The following SERINC1 variants were observed in gnomAD, a reference collection of about 807,000 sequenced individuals.
SERINC1 encodes tumor differentially expressed protein 2.
In SERINC1, 38 loss-of-function variants were observed where a neutral mutation model predicts 52.9. That is an observed-to-expected ratio of 0.72 (90% CI 0.55 to 0.94). SERINC1 has a LOEUF of 0.94. Ranked by LOEUF, SERINC1 falls within the 40% of genes least tolerant of loss-of-function variation. SERINC1 has a pLI of 0.00. For missense variants in SERINC1, 471 were observed against 533.9 expected, an observed-to-expected ratio of 0.88 and a Z score of 1.16; for synonymous variants, 198 against 183.1, an observed-to-expected ratio of 1.08 and a Z score of -0.66.
chr6:122,449,984 A>C (rs1774876613), intron 7 of SERINC1, among the ~76,000 whole-genome samples: 1 of 152,244 alleles, frequency 6.6e-6, no homozygotes, highest in Non-Finnish European at 1.5e-5. Flanking sequence ...ATTGCACTCC[A>C]GCCTGTGCAA....
At chr6:122,468,347 TC>T (rs1775221193) in intron 1 of SERINC1, among the ~76,000 whole-genome samples, 1 of 152,220 alleles carries the variant, frequency 6.6e-6, no homozygotes, top group African/African-American at 2.4e-5. Context: ...ATCCTTGTCC[TC>T]TACCAACTAA....
chr6:122,459,599 A>G (rs1339420698), intron 1 of SERINC1, among the ~76,000 whole-genome samples: 2 of 152,222 alleles, frequency 1.3e-5, no homozygotes, highest in Non-Finnish European at 2.9e-5. Context: ...TTAAACATAA[A>G]CATCTCCCCT....
intron 1 of SERINC1, among the ~76,000 whole-genome samples, chr6:122,468,674 C>A (rs1368277190): frequency 1.3e-5 from 2 of 152,106 alleles, no homozygotes; most frequent in African/African-American, 4.8e-5. Flanking sequence ...TGCACCCATG[C>A]ATTGAGAGAG....
intron 1 of SERINC1, among the ~76,000 whole-genome samples, chr6:122,468,478 C>A (rs190720992): frequency 8.5e-5 from 13 of 152,296 alleles, no homozygotes; most frequent in East Asian, 5.8e-4. Flanking sequence ...TATGGAAACA[C>A]CTCCTTAGAA....
intron 9 of SERINC1, among the ~76,000 whole-genome samples, chr6:122,445,882 T>TAAAAAAAAAAAAAAAAAA (rs1320808490): frequency 7.1e-5 from 1 of 14,154 alleles, no homozygotes; most frequent in African/African-American, 2.6e-4. Flanking sequence ...AGACTCCATT[T>TAAAAAAAAAAAAAAAAAA]CAAAAAAAAA....
rs1016856356 is a variant in SERINC1 at position 122,444,325 on chromosome 6, T to C, written c.*719A>G. The C allele has an allele frequency of 5.3e-5, 8 of 152,322 alleles. No individual in the cohort carries two copies. Among genetic ancestry groups the C allele is most frequent in the Admixed American group, 2.0e-4 (3 of 15,286 alleles). 9.4% of individuals were successfully genotyped at this position (152,322 alleles called of 1,614,324 possible). A position where few individuals can be genotyped will look rare whatever the true frequency, so the allele number is the denominator to read the frequency against. On this transcript the variant is annotated 3_prime_UTR_variant, in exon 10 of 10. Transcript: ENST00000339697. ...AAAGTGACTTTCAAACACTTCCTTCTAACCCATGATTATCCTTTTCAAAAC... is the reference window on the plus strand; with the variant it reads ...AAAGTGACTTTCAAACACTTCCTTCCAACCCATGATTATCCTTTTCAAAAC...
In SERINC1 at chr6:122,456,584, C is replaced by G; in HGVS notation, c.268G>C (p.Val90Leu). The G allele has an allele frequency of 6.2e-7, 1 of 1,612,496 alleles. No individual in the cohort carries two copies. The highest frequency in any genetic ancestry group is 1.1e-5 in the South Asian group (1 of 90,886). The stretch of plus-strand genomic sequence containing the variant: ...GCCAAACCAAAGCACAAACGATATA[C>G]AGCTTTATAGCCAACCAAAATGTTA... ...PCNILVGYKA[V>L]YRLCFGLAMF... The change falls in exon 3 of 10, where the codon GTA becomes CTA. Residue 90 changes from valine (V) to leucine (L), a missense_variant. Transcript: ENST00000339697.
rs1774919305 is a variant in SERINC1, at chr6:122,452,047, TGATAACAAGG to T, written c.590_599del (p.Ala197GlufsTer5). ...ACAGCAGATAATTCAGAGCTGTAGC[TGATAACAAGG>T]CTGTGAAAGAAATATAATTGGATAA... On this transcript the variant is annotated frameshift_variant and splice_region_variant, in exon 6 of 10. Transcript: ENST00000339697. LOFTEE classifies it high-confidence loss of function. The T allele has an allele frequency of 6.5e-7, 1 of 1,530,834 alleles. No individual in the cohort carries two copies. Among genetic ancestry groups the T allele is most frequent in the Non-Finnish European group, 8.8e-7 (1 of 1,142,108 alleles). 94.8% of individuals were successfully genotyped at this position (1,530,834 alleles called of 1,614,324 possible). A position where few individuals can be genotyped will look rare whatever the true frequency, so the allele number is the denominator to read the frequency against.
At position 122,453,787 on chromosome 6, in the gene SERINC1, G is replaced by A. The variant is rs754900437; in HGVS notation, c.572C>T (p.Ser191Leu). Reference sequence around the variant, plus strand: ...AAGCTTACCTGCATACCAACATCTCGAGTTCCCTTCTTCCATTTTTTCAAC... The same window carrying A: ...AAGCTTACCTGCATACCAACATCTCAAGTTCCCTTCTTCCATTTTTTCAAC... ...SWVEKMEEGN[S>L]RCWYAALLSA... The change falls in exon 5 of 10, where the codon TCG becomes TTG. Residue 191 changes from serine to leucine, a missense_variant. Physicochemically the swap from Ser to Leu is moderately radical, Grantham distance 145. Transcript: ENST00000339697. 8.1e-6 allele frequency: 13 copies of A among 1,604,644 alleles called. No individual in the cohort carries two copies. Among genetic ancestry groups the A allele is most frequent in the Middle Eastern group, 1.7e-4 (1 of 6,040 alleles).
chr6:122,449,612 T>C (rs1277773911), intron 7 of SERINC1, among the ~76,000 whole-genome samples: 1 of 152,062 alleles, frequency 6.6e-6, no homozygotes, highest in Non-Finnish European at 1.5e-5. Context: ...GTTGTTGAGG[T>C]TTAATGAAAG....
intron 1 of SERINC1, among the ~76,000 whole-genome samples, chr6:122,465,451 A>G (rs1775172613): frequency 6.6e-6 from 1 of 152,222 alleles, no homozygotes. Flanking sequence ...AAAACATAAA[A>G]TTAAGTCAAA....
chr6:122,465,808 T>A (rs979574725), intron 1 of SERINC1, among the ~76,000 whole-genome samples: 5 of 152,124 alleles, frequency 3.3e-5, no homozygotes, highest in African/African-American at 1.2e-4. Context: ...GCATAAAAAA[T>A]TTGGTATTTT....
rs141827634 is a variant in SERINC1, at chr6:122,471,779, G to A, written c.-42C>T. On this transcript the variant is annotated 5_prime_UTR_variant, in exon 1 of 10. Coordinates refer to ENST00000339697, the MANE Select transcript of SERINC1 (RefSeq NM_020755.4). ...GAGCAGCGGATACAGACAAGATGGA[G>A]ACAGCTTCTTTCTCGCCTTTCCGAG... 10 of 1,613,314 alleles carry A rather than the reference G, an allele frequency of 6.2e-6. No individual in the cohort carries two copies. Among genetic ancestry groups the A allele is most frequent in the East Asian group, 2.2e-5 (1 of 44,852 alleles).
chr6:122,471,642 T>G (rs1775303900), intron 1 of SERINC1, 57 bp downstream of exon 1: 1 of 1,611,802 alleles, frequency 6.2e-7, no homozygotes. Flanking sequence ...CCGGCTCGGA[T>G]CGCCTTCTCT....
intron 7 of SERINC1, among the ~76,000 whole-genome samples, chr6:122,448,984 A>C (rs1465545778): frequency 6.6e-6 from 1 of 152,032 alleles, no homozygotes; most frequent in East Asian, 1.9e-4. Context: ...TGTTATGGTG[A>C]TCTCTCATCA....
Position 122,453,777 on chromosome 6 carries a change from C to A in SERINC1, c.582G>T (p.Trp194Cys). The change falls in exon 5 of 10, where the codon TGG becomes TGT. Residue 194 changes from tryptophan (W) to cysteine (C), a missense_variant. Coordinates refer to ENST00000339697, the MANE Select transcript of SERINC1 (RefSeq NM_020755.4). ...EKMEEGNSRC[W>C]YAALLSATAL... ...TCTGCGACGAAAGCTTACCTGCATA[C>A]CAACATCTCGAGTTCCCTTCTTCCA... The A allele has an allele frequency of 6.3e-7, 1 of 1,599,620 alleles. No individual in the cohort carries two copies. Among genetic ancestry groups the A allele is most frequent in the South Asian group, 1.1e-5 (1 of 88,988 alleles).
chr6:122,446,061 A>T lies in SERINC1; in HGVS notation c.1226+713T>A, dbSNP rs538211238. On this transcript the variant is annotated intron_variant, in intron 9 of 9. Transcript: ENST00000339697. ...TGCTGATACTGAGAGCCGCCTTACA[A>T]TTTGTTTATTAATATTATGCATTAA... Among the ~76,000 whole-genome samples the T allele has an allele frequency of 9.1e-4, 138 of 152,114 alleles. 1 individual carries two copies. The highest frequency in any genetic ancestry group is 3.3e-3 in the African/African-American group (136 of 41,514).
intron 1 of SERINC1, among the ~76,000 whole-genome samples, chr6:122,464,339 T>C (rs1403701504): frequency 1.3e-5 from 2 of 152,106 alleles, no homozygotes; most frequent in African/African-American, 4.8e-5. Context: ...AGATCTAATA[T>C]AAGAAAAATT....
At chr6:122,466,725 A>G (rs1409301586) in intron 1 of SERINC1, among the ~76,000 whole-genome samples, 1 of 152,200 alleles carries the variant, frequency 6.6e-6, no homozygotes, top group African/African-American at 2.4e-5. Flanking sequence ...CAATCAAGGA[A>G]ATTTCTCAGA....
Sources: gnomAD v4.1 joint callset for allele counts (sites outside exome capture counted in the v4.1 genomes callset) on GRCh38, gnomAD v4.1.1 for gene constraint, MANE v1.5 for transcripts, NCBI Gene and HGNC (gene_info 2026-07-23, HGNC 2026-07-21) for gene names.